The following MYOM1 variants were observed in gnomAD, a reference collection of about 807,000 sequenced individuals.
MYOM1 encodes the protein myomesin-1.
In MYOM1, 164 loss-of-function variants were observed where a neutral mutation model predicts 205.3. The ratio of observed to expected loss-of-function variants is 0.80; its 90% CI spans 0.70 to 0.91. MYOM1 has a LOEUF of 0.91. MYOM1 is among the 40% of genes least tolerant of loss of function. The pLI is 0.00. For synonymous variants in MYOM1, 772 were observed against 789.4 expected (o/e 0.98, Z 0.37); for missense variants, 2,011 against 2,127.3 (o/e 0.95, Z 1.08).
At chr18:3,149,969 AG>A (rs779448395) in intron 12 of MYOM1, among the ~76,000 whole-genome samples, 3 of 152,224 alleles carry the variant, frequency 2.0e-5, no homozygotes, top group Non-Finnish European at 4.4e-5. Flanking sequence ...AAGTTTAGAA[AG>A]GAGGGCAGGA....
rs557431379 is a variant in MYOM1 at position 3,200,967 on chromosome 18, G to A, written c.291-7009C>T. ...CAAACTGTTGAAAGTCAAAGCCAGAGAGAAACCTTGAAAGCATCAAGAGTA... is the reference window on the plus strand; with the variant it reads ...CAAACTGTTGAAAGTCAAAGCCAGAAAGAAACCTTGAAAGCATCAAGAGTA... On this transcript the variant is annotated intron_variant, in intron 2 of 37. Transcript: ENST00000356443. Among the ~76,000 whole-genome samples, 3 of 152,292 alleles carry A rather than the reference G, an allele frequency of 2.0e-5. No individual in the cohort carries two copies. In the South Asian group the frequency reaches 6.2e-4, roughly 32 times the overall value.
intron 22 of MYOM1, among the ~76,000 whole-genome samples, chr18:3,106,092 G>A (rs145815808): frequency 3.9e-5 from 6 of 152,088 alleles, no homozygotes; most frequent in African/African-American, 7.2e-5. Context: ...TTTACATAGC[G>A]TTTACATCAT....
At chr18:3,193,346 A>G (rs2080943007) in intron 3 of MYOM1, among the ~76,000 whole-genome samples, 1 of 127,250 alleles carries the variant, frequency 7.9e-6, no homozygotes, top group Admixed American at 7.6e-5. Flanking sequence ...ATGTACATAT[A>G]CATATATATA....
intron 2 of MYOM1, among the ~76,000 whole-genome samples, chr18:3,197,700 C>T (rs923014958): frequency 1.7e-4 from 26 of 151,662 alleles, no homozygotes; most frequent in South Asian, 6.3e-4. Flanking sequence ...GGTGAAACCC[C>T]GTCTTTACTA....
In MYOM1 at chr18:3,129,051, T is replaced by C. The variant is rs76145157; in HGVS notation, c.2794+181A>G. On this transcript the variant is annotated intron_variant, in intron 18 of 37. Transcript: ENST00000356443. ...AAATGATGTGTACAAGCCAAACCCA[T>C]AGACAATTACTTTTCCAAGTCATCA... Among the ~76,000 whole-genome samples, 564 of 152,278 alleles carry C rather than the reference T, an allele frequency of 3.7e-3. 6 individuals carry two copies. Among genetic ancestry groups the C allele is most frequent in the African/African-American group, 0.013 (529 of 41,556 alleles).
chr18:3,212,830 T>C (rs572311036), intron 2 of MYOM1, among the ~76,000 whole-genome samples: 14 of 137,272 alleles, frequency 1.0e-4, no homozygotes, highest in African/African-American at 2.3e-4. Flanking sequence ...CCTCCCAGCT[T>C]TTATTTGGAA....
intron 8 of MYOM1, 35 bp downstream of exon 8, chr18:3,173,903 G>C (rs749298127): frequency 8.2e-6 from 13 of 1,575,942 alleles, no homozygotes; most frequent in Non-Finnish European, 1.1e-5. Context: ...ATTTTACATA[G>C]AGGTGACACT....
chr18:3,169,217 T>C (rs543960220), intron 8 of MYOM1, among the ~76,000 whole-genome samples: 3 of 152,360 alleles, frequency 2.0e-5, no homozygotes, highest in African/African-American at 4.8e-5. Context: ...ATTTTTATTA[T>C]TGTAATGAAT....
intron 16 of MYOM1, among the ~76,000 whole-genome samples, 180 bp from the exon 17 acceptor site, chr18:3,131,676 G>A (rs533275835): frequency 7.9e-5 from 12 of 151,966 alleles, no homozygotes; most frequent in South Asian, 4.2e-4. Context: ...TCCTGGCCTC[G>A]AGCCATCCTC....
the MYOM1 span, among the ~76,000 whole-genome samples, chr18:3,238,338 G>T: frequency 2.0e-5 from 3 of 152,160 alleles, no homozygotes; most frequent in Non-Finnish European, 4.4e-5. Context: ...GGGAGCAGTT[G>T]TAAGTACAGA....
chr18:3,218,516 T>C (rs1208552752), intron 1 of MYOM1, among the ~76,000 whole-genome samples: 1 of 152,176 alleles, frequency 6.6e-6, no homozygotes, highest in East Asian at 1.9e-4. Flanking sequence ...AGCAAGCAAC[T>C]TTGCTTCAAC....
chr18:3,136,164 C>T (rs1350107766), intron 14 of MYOM1, among the ~76,000 whole-genome samples: 2 of 152,106 alleles, frequency 1.3e-5, no homozygotes, highest in Non-Finnish European at 2.9e-5. Context: ...TTTCGCCTTC[C>T]ACCATGATTG....
intron 13 of MYOM1, among the ~76,000 whole-genome samples, chr18:3,142,398 AC>A (rs1164797117): frequency 1.3e-5 from 2 of 151,946 alleles, no homozygotes; most frequent in Non-Finnish European, 2.9e-5. Flanking sequence ...AACAGCTGGG[AC>A]CACAGGTGCA....
At chr18:3,177,441 ATATCATTAT>A (rs1306903589) in intron 5 of MYOM1, among the ~76,000 whole-genome samples, 1,439 of 117,250 alleles carry the variant, frequency 0.012, 20 homozygotes, top group African/African-American at 0.04. Context: ...GTTAGAAGCA[ATATCATTAT>A]TATTATTATT....
chr18:3,215,382 G>T, intron 1 of MYOM1, 131 bp from the exon 2 acceptor site: 2 of 744,246 alleles, frequency 2.7e-6, no homozygotes, highest in Admixed American at 2.9e-5. Flanking sequence ...TCCCAACGAG[G>T]ATCTCTCGAG....
chr18:3,081,195 T>C (rs1373621553), intron 33 of MYOM1, among the ~76,000 whole-genome samples: 1 of 152,140 alleles, frequency 6.6e-6, no homozygotes, highest in Non-Finnish European at 1.5e-5. Context: ...ATAATAAATC[T>C]GTTTTAAATC....
In MYOM1 at chr18:3,071,814, C is replaced by T. The variant is rs1426281275; in HGVS notation, c.4764+20G>A. ...GTTCATAGTGCAGAAGGAGCAGGCA[C>T]AGGCAGGCTTCATGCTTACCTTCCC... On this transcript the variant is annotated intron_variant, in intron 37 of 37. Transcript: ENST00000356443. The T allele has an allele frequency of 6.3e-7, 1 of 1,589,376 alleles. No individual in the cohort carries two copies.
chr18:3,083,880 C>T lies in MYOM1; in HGVS notation c.4393G>A (p.Asp1465Asn). 6.3e-7 allele frequency: 1 copy of T among 1,581,098 alleles called. No individual in the cohort carries two copies. The highest frequency in any genetic ancestry group is 8.6e-7 in the Non-Finnish European group (1 of 1,162,018). Residue 1465 changes from aspartate (D) to asparagine (N), a missense_variant, in exon 33 of 38, where the codon GAC becomes AAC. Asp to Asn is a conservative substitution (Grantham distance 23). Coordinates refer to ENST00000356443, the MANE Select transcript of MYOM1 (RefSeq NM_003803.4). ...TCGGCTGTGCTCTGGATTTTCAGGT[C>T]TGTAGCAGACAAAGCTGAAAGAAGA... ...VCKKIALSAT[D>N]LKIQSTAEGI...
chr18:3,122,364 C>T (rs561067637), intron 19 of MYOM1, among the ~76,000 whole-genome samples: 2 of 152,096 alleles, frequency 1.3e-5, no homozygotes, highest in East Asian at 3.9e-4. Flanking sequence ...CACCCCAAAA[C>T]CCTAGTGTAT....
Sources: gnomAD v4.1 joint callset for allele counts (sites outside exome capture counted in the v4.1 genomes callset) on GRCh38, gnomAD v4.1.1 for gene constraint, MANE v1.5 for transcripts, NCBI Gene and HGNC (gene_info 2026-07-23, HGNC 2026-07-21) for gene names.